Variants in DCPS observed in about 807,000 individuals in gnomAD.
The protein encoded by DCPS is decapping enzyme, scavenger, also known as m7GpppX diphosphatase.
A neutral mutation model predicts 34.7 loss-of-function variants in DCPS; 27 were observed. The ratio of observed to expected loss-of-function variants is 0.78; its 90% CI spans 0.57 to 1.07. DCPS has a LOEUF of 1.07. DCPS is among the 50% of genes least tolerant of loss of function. DCPS has a pLI of 0.00. For missense variants in DCPS, 464 were observed against 436.9 expected, an observed-to-expected ratio of 1.06 and a Z score of -0.55; for synonymous variants, 185 against 185.7, an observed-to-expected ratio of 1.00 and a Z score of 0.03.
At chr11:126,343,159 C>G in intron 4 of DCPS, 148 bp from the exon 5 acceptor site, 1 of 650,708 alleles carries the variant, frequency 1.5e-6, no homozygotes, top group East Asian at 2.7e-5. Context: ...TCCCACACGC[C>G]CGGGGTATGC....
In DCPS at chr11:126,322,730, C is replaced by G. The variant is rs1951717057; in HGVS notation, c.377-8675C>G. Among the ~76,000 whole-genome samples the G allele has an allele frequency of 6.6e-6, 1 of 151,834 alleles. No individual in the cohort carries two copies. The highest frequency in any genetic ancestry group is 1.5e-5 in the Non-Finnish European group (1 of 67,994). On this transcript the variant is annotated intron_variant, in intron 2 of 5. Coordinates refer to ENST00000263579, the MANE Select transcript of DCPS (RefSeq NM_014026.6). This position sits in a 1 kb window ranked among gnomAD's most constrained non-coding sequence, Gnocchi z 4.2. ...GCCTCAGCTTCCTGAGTAGCTGGGA[C>G]TACAGGCGCGTGCCATCACGCCCAG...
chr11:126,322,445 G>A lies in DCPS; in HGVS notation c.377-8960G>A, dbSNP rs753785400. Reference sequence around the variant, plus strand: ...CGCCCGGCTCATTTTTGTATTTTTAGTAGAGATGGGGTTTCGCCATGTTGG... The same window carrying A: ...CGCCCGGCTCATTTTTGTATTTTTAATAGAGATGGGGTTTCGCCATGTTGG... On this transcript the variant is annotated intron_variant, in intron 2 of 5. Transcript: ENST00000263579. This position sits in a 1 kb window ranked among gnomAD's most constrained non-coding sequence, Gnocchi z 4.2. 6.6e-6 allele frequency among the ~76,000 whole-genome samples: 1 copy of A among 151,796 alleles called. No individual in the cohort carries two copies. Among genetic ancestry groups the A allele is most frequent in the Non-Finnish European group, 1.5e-5 (1 of 67,974 alleles).
At position 126,323,816 on chromosome 11, in the gene DCPS, C is replaced by A. The variant is rs1951723084; in HGVS notation, c.377-7589C>A. On this transcript the variant is annotated intron_variant, in intron 2 of 5. Transcript: ENST00000263579. The surrounding 1 kb of genome is among the most constrained non-coding windows in gnomAD (Gnocchi z 4.4). ...GGATTATAGGCATGAGCCACCAAAC[C>A]TGACCCTAAAGTTGTTTTTTTGTTT... Among the ~76,000 whole-genome samples the A allele has an allele frequency of 1.3e-5, 2 of 152,092 alleles. No homozygotes were observed. Among genetic ancestry groups the A allele is most frequent in the Non-Finnish European group, 2.9e-5 (2 of 68,014 alleles).
Position 126,342,855 on chromosome 11 carries a change from G to A in DCPS, c.637-452G>A, listed in dbSNP as rs552853610. Among the ~76,000 whole-genome samples the A allele has an allele frequency of 2.6e-5, 4 of 152,146 alleles. No individual in the cohort carries two copies. Among genetic ancestry groups the A allele is most frequent in the African/African-American group, 9.6e-5 (4 of 41,502 alleles). On this transcript the variant is annotated intron_variant, in intron 4 of 5. Coordinates refer to ENST00000263579, the MANE Select transcript of DCPS (RefSeq NM_014026.6). The surrounding 1 kb of genome is among the most constrained non-coding windows in gnomAD (Gnocchi z 4.4). ...AGCACTTTGGGAGGCCGAGGCAGGCGGATCATGAAGTCAGGAGTTTGAGAC... is the reference window on the plus strand; with the variant it reads ...AGCACTTTGGGAGGCCGAGGCAGGCAGATCATGAAGTCAGGAGTTTGAGAC...
intron 2 of DCPS, among the ~76,000 whole-genome samples, chr11:126,308,363 C>T (rs1351109303): frequency 1.3e-5 from 2 of 152,162 alleles, no homozygotes; most frequent in African/African-American, 4.8e-5. Flanking sequence ...GATATCTTGC[C>T]CCACAGTCTT....
At chr11:126,324,990 C>A (rs1378894105) in intron 2 of DCPS, among the ~76,000 whole-genome samples, 2 of 152,092 alleles carry the variant, frequency 1.3e-5, no homozygotes, top group East Asian at 1.9e-4. Flanking sequence ...CGAGACCAGC[C>A]TGACTAACAT....
At chr11:126,314,055 C>T (rs1193834738) in intron 2 of DCPS, among the ~76,000 whole-genome samples, 2 of 152,320 alleles carry the variant, frequency 1.3e-5, no homozygotes, top group East Asian at 1.9e-4. Flanking sequence ...CATTTGTGGA[C>T]TTTCATTTCT....
At chr11:126,309,501 A>C (rs532554730) in intron 2 of DCPS, among the ~76,000 whole-genome samples, 1 of 152,308 alleles carries the variant, frequency 6.6e-6, no homozygotes, top group African/African-American at 2.4e-5. Flanking sequence ...TTATTATACC[A>C]TGTTTTTTAG....
At position 126,345,273 on chromosome 11, in the gene DCPS, G is replaced by A; in HGVS notation, c.748-74G>A. 6.3e-7 allele frequency: 1 copy of A among 1,578,778 alleles called. No individual in the cohort carries two copies. The highest frequency in any genetic ancestry group is 1.3e-5 in the African/African-American group (1 of 74,678). On this transcript the variant is annotated intron_variant, in intron 5 of 5. Coordinates refer to ENST00000263579, the MANE Select transcript of DCPS (RefSeq NM_014026.6). The surrounding 1 kb of genome is among the most constrained non-coding windows in gnomAD (Gnocchi z 7.4). ...CAATCCAGGATTCAGATGGGAGGAGGGTCTAGGTGGGGACATGGCGCCGGG... is the reference window on the plus strand; with the variant it reads ...CAATCCAGGATTCAGATGGGAGGAGAGTCTAGGTGGGGACATGGCGCCGGG...
At position 126,349,758 on chromosome 11, in the gene DCPS, T is replaced by G. The variant is rs1329299649; in HGVS notation, c.*4145T>G. On this transcript the variant is annotated 3_prime_UTR_variant, in exon 6 of 6. Coordinates refer to ENST00000263579, the MANE Select transcript of DCPS (RefSeq NM_014026.6). The surrounding 1 kb of genome is among the most constrained non-coding windows in gnomAD (Gnocchi z 5.4). ...CAAACATGTATATATAAGGTTAAAATGTATTTTTTAAAATAAGATAATTAT... is the reference window on the plus strand; with the variant it reads ...CAAACATGTATATATAAGGTTAAAAGGTATTTTTTAAAATAAGATAATTAT... Among the ~76,000 whole-genome samples, 6 of 152,232 alleles carry G rather than the reference T, an allele frequency of 3.9e-5. No individual in the cohort carries two copies. The highest frequency in any genetic ancestry group is 8.8e-5 in the Non-Finnish European group (6 of 68,038).
chr11:126,326,069 G>T (rs964777616), intron 2 of DCPS, among the ~76,000 whole-genome samples: 3 of 152,224 alleles, frequency 2.0e-5, no homozygotes, highest in African/African-American at 7.2e-5. Flanking sequence ...AGTGAGCCAA[G>T]ATTGCACCAC....
At chr11:126,340,215 A>G (rs1951865841) in intron 4 of DCPS, among the ~76,000 whole-genome samples, 1 of 152,236 alleles carries the variant, frequency 6.6e-6, no homozygotes, top group Non-Finnish European at 1.5e-5. Flanking sequence ...TCTGGCTGCC[A>G]GCCACAGGGC....
At chr11:126,317,391 C>T (rs1951670841) in intron 2 of DCPS, among the ~76,000 whole-genome samples, 1 of 143,750 alleles carries the variant, frequency 7.0e-6, no homozygotes, top group South Asian at 2.3e-4. Context: ...ATTCTCATAG[C>T]ATTTTGCTCT....
rs751990293 is a variant in DCPS at position 126,349,671 on chromosome 11, A to G, written c.*4058A>G. Among the ~76,000 whole-genome samples, 2 of 152,252 alleles carry G rather than the reference A, an allele frequency of 1.3e-5. No homozygotes were observed. Among genetic ancestry groups the G allele is most frequent in the Non-Finnish European group, 2.9e-5 (2 of 68,052 alleles). On this transcript the variant is annotated 3_prime_UTR_variant, in exon 6 of 6. Coordinates refer to ENST00000263579, the MANE Select transcript of DCPS (RefSeq NM_014026.6). The surrounding 1 kb of genome is among the most constrained non-coding windows in gnomAD (Gnocchi z 5.4). ...ACTTCCATATCCAAAGCATTTGAAT[A>G]TATTTATTTTATTGATGTAGGTCTG... is the stretch of plus-strand genomic sequence containing the variant.
At chr11:126,317,859 G>A (rs1297385509) in intron 2 of DCPS, among the ~76,000 whole-genome samples, 1 of 152,152 alleles carries the variant, frequency 6.6e-6, no homozygotes, top group Non-Finnish European at 1.5e-5. Context: ...ATTAGCTCTT[G>A]CTCTTCCTGT....
rs950750992 is a variant in DCPS, at chr11:126,331,053, G to A, written c.377-352G>A. On this transcript the variant is annotated intron_variant, in intron 2 of 5. Transcript: ENST00000263579. The surrounding 1 kb of genome is among the most constrained non-coding windows in gnomAD (Gnocchi z 7.2). The stretch of plus-strand genomic sequence containing the variant: ...GCCCGGCCTTTAAGCCATATTTTCA[G>A]CTTTGGGTCCAGAAAGCCACATACC... Among the ~76,000 whole-genome samples the A allele has an allele frequency of 2.6e-5, 4 of 152,020 alleles. No individual in the cohort carries two copies. The highest frequency in any genetic ancestry group is 5.9e-5 in the Non-Finnish European group (4 of 68,010).
Position 126,328,944 on chromosome 11 carries a change from A to G in DCPS, c.377-2461A>G, listed in dbSNP as rs1951761244. ...AGAAGTCAGGAGACTGAAGCCACAG[A>G]CAGTGTCAGTCACTAGCCTGAGGTT... On this transcript the variant is annotated intron_variant, in intron 2 of 5. Transcript: ENST00000263579. The surrounding 1 kb of genome is among the most constrained non-coding windows in gnomAD (Gnocchi z 6.6). Among the ~76,000 whole-genome samples the G allele has an allele frequency of 1.3e-5, 2 of 152,250 alleles. No homozygotes were observed. Among genetic ancestry groups the G allele is most frequent in the South Asian group, 2.1e-4 (1 of 4,834 alleles).
At position 126,343,379 on chromosome 11, in the gene DCPS, C is replaced by T; in HGVS notation, c.709C>T (p.His237Tyr). ...ATCCCTACGCGACCTTACTCCGGAG[C>T]ACTTGCCGCTGCTCAGGAACATCCT... ...IRSLRDLTPEHLPLLRNILHQ... is the reference protein window; with the variant it reads ...IRSLRDLTPEYLPLLRNILHQ... The change falls in exon 5 of 6, where the codon CAC becomes TAC. Residue 237 changes from histidine (H) to tyrosine (Y), a missense_variant. Physicochemically the swap from His to Tyr is moderately conservative, Grantham distance 83 (BLOSUM62 2). Transcript: ENST00000263579. 6.2e-7 allele frequency: 1 copy of T among 1,614,000 alleles called. No homozygotes were observed. The highest frequency in any genetic ancestry group is 8.5e-7 in the Non-Finnish European group (1 of 1,179,960).
Position 126,314,058 on chromosome 11 carries a change from T to C in DCPS, c.376+7314T>C, listed in dbSNP as rs571847747. Among the ~76,000 whole-genome samples the C allele has an allele frequency of 4.6e-5, 7 of 152,342 alleles. No homozygotes were observed. The South Asian group carries it at 1.4e-3, about 32-fold the overall frequency. On this transcript the variant is annotated intron_variant, in intron 2 of 5. Transcript: ENST00000263579. ...CTGGGTTTTAGGCATTTGTGGACTTTCATTTCTGCAGGCTTCCCCTTCTTT... is the reference window on the plus strand; with the variant it reads ...CTGGGTTTTAGGCATTTGTGGACTTCCATTTCTGCAGGCTTCCCCTTCTTT...
Sources: gnomAD v4.1 joint callset for allele counts (sites outside exome capture counted in the v4.1 genomes callset) on GRCh38, gnomAD v4.1.1 for gene constraint, Gnocchi (gnomAD v3.1) non-coding constraint, MANE v1.5 for transcripts, NCBI Gene and HGNC (gene_info 2026-07-23, HGNC 2026-07-21) for gene names.